The following RBFOX3 variants were observed in gnomAD, a reference collection of about 807,000 sequenced individuals.
The protein encoded by RBFOX3 is RNA binding protein fox-1 homolog 3.
RBFOX3 carries 17 observed loss-of-function variants against 48.7 expected under a neutral mutation model. The observed-to-expected ratio is 0.35, with a 90% CI of 0.24 to 0.52. The LOEUF (loss-of-function observed/expected upper bound fraction) is 0.52, where lower values mean the gene tolerates loss of function less well. Ranked by LOEUF, RBFOX3 falls within the 20% of genes least tolerant of loss-of-function variation. The pLI is 0.94. For synonymous variants in RBFOX3, 212 were observed against 209.5 expected (o/e 1.01, Z -0.10); for missense variants, 382 against 497.5 (o/e 0.77, Z 2.21).
Position 79,284,225 on chromosome 17 carries a change from G to T in RBFOX3, c.-74+23499C>A, listed in dbSNP as rs188021768. Among the ~76,000 whole-genome samples, 16 of 152,316 alleles carry T rather than the reference G, an allele frequency of 1.1e-4. No homozygotes were observed. The East Asian group carries it at 2.9e-3, about 28-fold the overall frequency. On this transcript the variant is annotated intron_variant, in intron 3 of 14. Coordinates refer to ENST00000693108, the MANE Select transcript of RBFOX3 (RefSeq NM_001350451.2). ...TCTGGGCCATGTTTCCGTGAGCATC[G>T]GCACGAGTGGACAGTCCGTTTCCAA...
chr17:79,468,755 G>A (rs1598830646), intron 2 of RBFOX3, among the ~76,000 whole-genome samples: 1 of 150,276 alleles, frequency 6.7e-6, no homozygotes, highest in Non-Finnish European at 1.5e-5. Flanking sequence ...ATAGACAGGA[G>A]GATGGATGGA....
At chr17:79,121,548 C>T (rs2035745267) in intron 4 of RBFOX3, among the ~76,000 whole-genome samples, 1 of 152,210 alleles carries the variant, frequency 6.6e-6, no homozygotes, top group Non-Finnish European at 1.5e-5. Flanking sequence ...GTTTTTACAT[C>T]CACCATACTG....
intron 6 of RBFOX3, among the ~76,000 whole-genome samples, chr17:79,105,415 C>G (rs546451509): frequency 2.4e-4 from 37 of 152,326 alleles, no homozygotes; most frequent in African/African-American, 8.4e-4. Context: ...CAGGGGGCAT[C>G]CAGCCAGAGC....
At chr17:79,167,515 G>T (rs2048269567) in intron 4 of RBFOX3, among the ~76,000 whole-genome samples, 1 of 152,182 alleles carries the variant, frequency 6.6e-6, no homozygotes, top group Non-Finnish European at 1.5e-5. Flanking sequence ...ATGGGTCATG[G>T]AGTCCTTTCC....
chr17:79,229,558 CAAAA>C (rs11435725), intron 4 of RBFOX3, among the ~76,000 whole-genome samples: 1 of 50,680 alleles, frequency 2.0e-5, no homozygotes, highest in East Asian at 8.4e-4. Context: ...GACTCCATCT[CAAAA>C]AAAAAAAAAA....
chr17:79,353,096 G>A (rs1475472024), intron 2 of RBFOX3, among the ~76,000 whole-genome samples: 1 of 152,204 alleles, frequency 6.6e-6, no homozygotes, highest in Non-Finnish European at 1.5e-5. Context: ...GAGGGACATC[G>A]TCCCTTGACA....
At chr17:79,159,148 G>T (rs1395028075) in intron 4 of RBFOX3, among the ~76,000 whole-genome samples, 1 of 152,204 alleles carries the variant, frequency 6.6e-6, no homozygotes, top group Non-Finnish European at 1.5e-5. Context: ...TGTGAGTTGG[G>T]GAGCGGAGAC....
At chr17:79,303,663 C>T (rs78077470) in intron 3 of RBFOX3, among the ~76,000 whole-genome samples, 1,598 of 152,166 alleles carry the variant, frequency 0.011, 23 homozygotes, top group African/African-American at 0.033. Context: ...ATAGTTTACT[C>T]CCCGAGAATG....
chr17:79,323,626 C>T (rs114295002), intron 2 of RBFOX3, among the ~76,000 whole-genome samples: 1,834 of 152,338 alleles, frequency 0.012, 52 homozygotes, highest in African/African-American at 0.041. Context: ...CCAAGCCTCC[C>T]TGCAGCGGGG....
chr17:79,534,157 CG>C (rs1464270602), intron 1 of RBFOX3, among the ~76,000 whole-genome samples: 18 of 152,182 alleles, frequency 1.2e-4, no homozygotes, highest in African/African-American at 4.3e-4. Context: ...TGTAAACAAA[CG>C]TATTTTCTCT....
At chr17:79,280,305 A>AC (rs368047123) in intron 3 of RBFOX3, among the ~76,000 whole-genome samples, 108 of 151,102 alleles carry the variant, frequency 7.1e-4, no homozygotes, top group African/African-American at 2.4e-3. Flanking sequence ...CCACACATAC[A>AC]CCCCCCAACA....
At position 79,341,731 on chromosome 17, in the gene RBFOX3, A is replaced by T. The variant is rs116091385; in HGVS notation, c.-174-33907T>A. On this transcript the variant is annotated intron_variant, in intron 2 of 14. Coordinates refer to ENST00000693108, the MANE Select transcript of RBFOX3 (RefSeq NM_001350451.2). The stretch of plus-strand genomic sequence containing the variant: ...GAGCGTCTCCCTTGCTCCCTTTCTG[A>T]GTTCTGAGCTCCAGGCTCCCTGCAT... Among the ~76,000 whole-genome samples the T allele has an allele frequency of 6.9e-3, 1,036 of 150,590 alleles. 21 individuals carry two copies. The highest frequency in any genetic ancestry group is 0.024 in the African/African-American group (991 of 41,360).
chr17:79,239,435 A>T (rs2062045840), intron 3 of RBFOX3, among the ~76,000 whole-genome samples: 1 of 152,220 alleles, frequency 6.6e-6, no homozygotes, highest in East Asian at 1.9e-4. Flanking sequence ...GAACACAGGG[A>T]TCAGCACAGT....
intron 2 of RBFOX3, among the ~76,000 whole-genome samples, chr17:79,398,644 G>C (rs1222989792): frequency 6.6e-6 from 1 of 152,232 alleles, no homozygotes; most frequent in Non-Finnish European, 1.5e-5. Context: ...CTCCACCGTG[G>C]GCGACGATGC....
intron 10 of RBFOX3, 25 bp downstream of exon 10, chr17:79,097,667 A>AACCCCC: frequency 1.9e-6 from 2 of 1,031,804 alleles, no homozygotes; most frequent in African/African-American, 2.4e-5. Flanking sequence ...GTCTCATCCC[A>AACCCCC]TCCCCGCCCC....
chr17:79,568,812 T>G (rs1450050863), intron 1 of RBFOX3, among the ~76,000 whole-genome samples: 7 of 152,226 alleles, frequency 4.6e-5, no homozygotes, highest in African/African-American at 1.7e-4. Context: ...TGTGTCCCAC[T>G]CACCACCACC....
intron 4 of RBFOX3, among the ~76,000 whole-genome samples, chr17:79,229,956 T>C (rs988556754): frequency 3.3e-5 from 5 of 152,194 alleles, no homozygotes; most frequent in Admixed American, 6.5e-5. Context: ...GTGTCCAAGC[T>C]CCTAATCAGC....
In RBFOX3 at chr17:79,394,470, C is replaced by T. The variant is rs1444167026; in HGVS notation, c.-174-86646G>A. 3.3e-5 allele frequency among the ~76,000 whole-genome samples: 5 copies of T among 152,196 alleles called. No homozygotes were observed. The East Asian group carries it at 5.8e-4, about 18-fold the overall frequency. The stretch of plus-strand genomic sequence containing the variant: ...TCTGGCTTCTATGTCCACCCTAGGC[C>T]GGCACCCTAGTGCTTGGCCAAAAAT... On this transcript the variant is annotated intron_variant, in intron 2 of 14. Coordinates refer to ENST00000693108, the MANE Select transcript of RBFOX3 (RefSeq NM_001350451.2).
chr17:79,457,715 T>C (rs1240531727), intron 2 of RBFOX3, among the ~76,000 whole-genome samples: 2 of 152,200 alleles, frequency 1.3e-5, no homozygotes, highest in African/African-American at 4.8e-5. Flanking sequence ...GTCCCCGCGA[T>C]GTCCCTGCAC....
Sources: allele counts gnomAD v4.1 joint callset (sites outside exome capture counted in the v4.1 genomes callset), GRCh38; gene constraint gnomAD v4.1.1; transcripts MANE v1.5; gene names NCBI Gene and HGNC (gene_info 2026-07-23, HGNC 2026-07-21).